DOCK8: variants seen among roughly 807,000 people sequenced by gnomAD.
The protein encoded by DOCK8 is dedicator of cytokinesis 8, also known as dedicator of cytokinesis protein 8.
Under a neutral mutation model 245.6 loss-of-function variants are expected in DOCK8, and 141 were observed. That is an observed-to-expected ratio of 0.57 (90% CI 0.50 to 0.66). The LOEUF is 0.66. Ranked by LOEUF, DOCK8 falls within the 30% of genes least tolerant of loss-of-function variation. The pLI is 0.00. For synonymous variants in DOCK8, 1,168 were observed against 970.2 expected (o/e 1.20, Z -3.79); for missense variants, 2,965 against 2,603.4 (o/e 1.14, Z -3.02).
Position 382,626 on chromosome 9 carries a change from G to C in DOCK8, c.2719G>C (p.Asp907His). ...CCGGGTGATGAGCAGCAGTAACCCA[G>C]ACCTCGCGGGGACACACTCCGCAGC... ...QARVMSSSNP[D>H]LAGTHSAADE... The change falls in exon 22 of 48, where the codon GAC becomes CAC. Residue 907 changes from aspartate to histidine, a missense_variant. Asp to His is a moderately conservative substitution (Grantham distance 81, BLOSUM62 -1). Around this residue, in one of 3 missense-constraint regions of DOCK8, gnomAD observed 2,825 missense variants for 2,453.5 expected, o/e 1.15. Coordinates refer to ENST00000432829, the MANE Select transcript of DOCK8 (RefSeq NM_203447.4). 1.2e-6 allele frequency: 2 copies of C among 1,614,154 alleles called. No individual in the cohort carries two copies. Among genetic ancestry groups the C allele is most frequent in the Non-Finnish European group, 1.7e-6 (2 of 1,180,036 alleles).
At chr9:383,024 G>C (rs1296897561) in intron 22 of DOCK8, among the ~76,000 whole-genome samples, 1 of 152,048 alleles carries the variant, frequency 6.6e-6, no homozygotes, top group Admixed American at 6.5e-5. Context: ...ACCTGGAAAG[G>C]TTGCCTTTAA....
At chr9:324,478 T>C (rs1251524068) in intron 7 of DOCK8, among the ~76,000 whole-genome samples, 3 of 152,146 alleles carry the variant, frequency 2.0e-5, no homozygotes, top group Admixed American at 6.5e-5. Flanking sequence ...TGTGCACCTG[T>C]AATGTCCACC....
intron 14 of DOCK8, among the ~76,000 whole-genome samples, chr9:347,440 A>G (rs1020014055): frequency 5.3e-5 from 8 of 152,176 alleles, no homozygotes; most frequent in Admixed American, 5.2e-4. Context: ...AGGAAGGTCG[A>G]GGCTACAGTG....
intron 9 of DOCK8, 92 bp downstream of exon 9, chr9:328,263 T>G (rs2050853561): frequency 1.4e-6 from 2 of 1,435,146 alleles, no homozygotes; most frequent in Non-Finnish European, 9.5e-7. Flanking sequence ...TCTCAGAATG[T>G]GTCCACATAT....
intron 3 of DOCK8, among the ~76,000 whole-genome samples, chr9:287,418 C>G (rs1337309681): frequency 1.3e-5 from 2 of 152,138 alleles, no homozygotes; most frequent in Non-Finnish European, 2.9e-5. Context: ...ATTTTAAAAG[C>G]CAAATTAAGA....
At chr9:335,286 G>T (rs2051256996) in intron 11 of DOCK8, among the ~76,000 whole-genome samples, 1 of 152,100 alleles carries the variant, frequency 6.6e-6, no homozygotes. Flanking sequence ...TTTCAAAAGG[G>T]TTGCAAATTT....
chr9:246,073 T>A (rs553726633), intron 1 of DOCK8, among the ~76,000 whole-genome samples: 68 of 151,970 alleles, frequency 4.5e-4, no homozygotes, highest in African/African-American at 1.5e-3. Context: ...TACAAAAAAT[T>A]GGCCAGGCAT....
intron 26 of DOCK8, among the ~76,000 whole-genome samples, chr9:403,892 C>CTCTCTCTCTA (rs1362630372): frequency 1.4e-5 from 1 of 73,750 alleles, no homozygotes. Flanking sequence ...CTCTCTCTCT[C>CTCTCTCTCTA]TATATATATA....
chr9:282,711 C>T (rs529338447), intron 2 of DOCK8, among the ~76,000 whole-genome samples: 2 of 152,166 alleles, frequency 1.3e-5, no homozygotes, highest in Non-Finnish European at 2.9e-5. Flanking sequence ...GTGTGAGCCA[C>T]CTTGCCTATC....
In DOCK8 at chr9:428,500, A is replaced by T; in HGVS notation, c.4473+4A>T. 1 of 1,614,120 alleles carries T rather than the reference A, an allele frequency of 6.2e-7. No homozygotes were observed. Among genetic ancestry groups the T allele is most frequent in the Non-Finnish European group, 8.5e-7 (1 of 1,180,016 alleles). Reference sequence around the variant, plus strand: ...ACTCCGTGCTCTCATCGCCAAGGTAAACTTGGGATGCTTGTTTTCTTCCTC... The same window carrying T: ...ACTCCGTGCTCTCATCGCCAAGGTATACTTGGGATGCTTGTTTTCTTCCTC... On this transcript the variant is annotated splice_donor_region_variant and intron_variant, in intron 35 of 47. Transcript: ENST00000432829.
intron 18 of DOCK8, among the ~76,000 whole-genome samples, chr9:374,536 A>T (rs2053442077): frequency 7.4e-6 from 1 of 135,916 alleles, no homozygotes; most frequent in Non-Finnish European, 1.5e-5. Context: ...ATCACAGCTC[A>T]CTGTAATCTT....
At chr9:333,111 A>G (rs2051103444) in intron 10 of DOCK8, among the ~76,000 whole-genome samples, 1 of 152,212 alleles carries the variant, frequency 6.6e-6, no homozygotes, top group Non-Finnish European at 1.5e-5. Flanking sequence ...TGGAGACCCC[A>G]AAACTAAACA....
intron 17 of DOCK8, among the ~76,000 whole-genome samples, 162 bp from the exon 18 acceptor site, chr9:372,023 G>A (rs561441400): frequency 2.0e-5 from 3 of 152,170 alleles, no homozygotes; most frequent in Non-Finnish European, 4.4e-5. Context: ...GGAGGTCTCG[G>A]AGATTTAAAA....
At chr9:336,469 C>G in intron 11 of DOCK8, 113 bp from the exon 12 acceptor site, 2 of 1,396,418 alleles carry the variant, frequency 1.4e-6, no homozygotes, top group Non-Finnish European at 2.0e-6. Flanking sequence ...ACAAGGATGG[C>G]CATATTCAGT....
rs3818557 is a variant in DOCK8 at position 317,218 on chromosome 9, A to C, written c.827+90A>C. ...GTGTTTATTATCAGAGCTTGAATCA[A>C]AGCGGAGCTCCCAAAATACGTCTAA... On this transcript the variant is annotated intron_variant, in intron 7 of 47. Coordinates refer to ENST00000432829, the MANE Select transcript of DOCK8 (RefSeq NM_203447.4). 74,595 of 1,089,244 alleles carry C rather than the reference A, an allele frequency of 0.068. 2,922 individuals are homozygous for C. The highest frequency in any genetic ancestry group is 0.13 in the Middle Eastern group (566 of 4,278). 67.5% of individuals were successfully genotyped at this position (1,089,244 alleles called of 1,614,324 possible).
chr9:226,054 T>G (rs929455771), intron 1 of DOCK8, among the ~76,000 whole-genome samples: 4 of 152,168 alleles, frequency 2.6e-5, no homozygotes, highest in African/African-American at 4.8e-5. Context: ...GGTGTATTAG[T>G]CCATTTTCAT....
intron 5 of DOCK8, among the ~76,000 whole-genome samples, chr9:311,357 A>G (rs1407988927): frequency 6.7e-6 from 1 of 148,696 alleles, no homozygotes; most frequent in Non-Finnish European, 1.5e-5. Context: ...CAGTCTTCCT[A>G]CCTAAACCTC....
At chr9:377,354 T>C in intron 20 of DOCK8, 143 bp downstream of exon 20, 1 of 700,916 alleles carries the variant, frequency 1.4e-6, no homozygotes, top group Non-Finnish European at 2.1e-6. Context: ...GGCCAAGTCT[T>C]ATGCTATTTT....
intron 26 of DOCK8, among the ~76,000 whole-genome samples, chr9:400,063 TTCACCA>T (rs879656806): frequency 0.022 from 1,065 of 49,290 alleles, 16 homozygotes; most frequent in Non-Finnish European, 0.025. Flanking sequence ...CACCACCTCC[TTCACCA>T]TCACCATCAC....
Sources: gnomAD v4.1 joint callset for allele counts (sites outside exome capture counted in the v4.1 genomes callset) on GRCh38, gnomAD v4.1.1 for gene constraint, gnomAD v4.1.1 regional missense constraint, MANE v1.5 for transcripts, NCBI Gene and HGNC (gene_info 2026-07-23, HGNC 2026-07-21) for gene names.